PDZD2: variants seen among roughly 807,000 people sequenced by gnomAD.
The protein encoded by PDZD2 is PDZ domain containing 2.
PDZD2 carries 90 observed loss-of-function variants against 220.7 expected under a neutral mutation model. That is an observed-to-expected ratio of 0.41 (90% CI 0.34 to 0.49). The LOEUF is 0.49. Among genes scored for constraint, PDZD2 ranks in the 20% least tolerant of loss-of-function variants. The pLI is 0.28. For synonymous variants in PDZD2, 1,375 were observed against 1,450.5 expected, an observed-to-expected ratio of 0.95 and a Z score of 1.18; for missense variants, 3,174 against 3,608.5, an observed-to-expected ratio of 0.88 and a Z score of 3.08.
chr5:31,785,378 T>C (rs1282832064), intron 1 of PDZD2, among the ~76,000 whole-genome samples: 2 of 148,138 alleles, frequency 1.4e-5, no homozygotes, highest in East Asian at 3.9e-4. Context: ...ATATATTATA[T>C]ATTTATATAT....
At chr5:32,028,684 G>GTTTTTTTTTTT (rs1287949594) in intron 6 of PDZD2, among the ~76,000 whole-genome samples, 13 of 97,500 alleles carry the variant, frequency 1.3e-4, no homozygotes, top group South Asian at 3.5e-4. Flanking sequence ...TGTTTTTTTT[G>GTTTTTTTTTTT]TTTTTTTTTT....
chr5:31,881,908 G>A (rs1340712191), intron 2 of PDZD2, among the ~76,000 whole-genome samples: 3 of 151,670 alleles, frequency 2.0e-5, no homozygotes, highest in East Asian at 1.9e-4. Flanking sequence ...TAGTAGAGAC[G>A]GGGTTTCTCC....
chr5:31,725,044 T>C (rs1257345991), intron 1 of PDZD2, among the ~76,000 whole-genome samples: 1 of 152,080 alleles, frequency 6.6e-6, no homozygotes, highest in Non-Finnish European at 1.5e-5. Flanking sequence ...TAAGAGTGGC[T>C]TCTCAGCCAG....
chr5:31,870,608 C>T (rs1738698834), intron 2 of PDZD2, among the ~76,000 whole-genome samples: 1 of 152,126 alleles, frequency 6.6e-6, no homozygotes, highest in Non-Finnish European at 1.5e-5. Flanking sequence ...AACAAGTTGG[C>T]CAGGCGTGGT....
chr5:31,865,155 TC>T (rs2150316557), intron 2 of PDZD2, among the ~76,000 whole-genome samples: 2 of 152,134 alleles, frequency 1.3e-5, no homozygotes, highest in East Asian at 3.9e-4. Context: ...CTGAGATTTG[TC>T]ATCTTATTCT....
intron 6 of PDZD2, among the ~76,000 whole-genome samples, chr5:32,031,921 C>T (rs962160670): frequency 2.0e-5 from 3 of 152,170 alleles, no homozygotes; most frequent in Non-Finnish European, 4.4e-5. Context: ...AGGCACAATC[C>T]GTGCTGCTGC....
In PDZD2 at chr5:31,646,255, G is replaced by A. The variant is rs1745131936; in HGVS notation, c.-361+6818G>A. Among the ~76,000 whole-genome samples the A allele has an allele frequency of 2.0e-5, 3 of 152,092 alleles. No individual in the cohort carries two copies. Among genetic ancestry groups the A allele is most frequent in the Admixed American group, 2.0e-4 (3 of 15,272 alleles). On this transcript the variant is annotated intron_variant, in intron 1 of 24. Coordinates refer to ENST00000438447, the MANE Select transcript of PDZD2 (RefSeq NM_178140.4). This position sits in a 1 kb window ranked among gnomAD's most constrained non-coding sequence, Gnocchi z 4.7. ...AGACTCTGTTTCTGGAGACTGGAGA[G>A]GCAAGTGTATTTTGGGGTAGCCATA... is the stretch of plus-strand genomic sequence containing the variant.
intron 1 of PDZD2, among the ~76,000 whole-genome samples, chr5:31,701,436 A>C (rs1336622277): frequency 6.6e-6 from 1 of 151,934 alleles, no homozygotes; most frequent in African/African-American, 2.4e-5. Context: ...CAATTGATCT[A>C]CCCACCTCAG....
Position 31,776,803 on chromosome 5 carries a change from C to A in PDZD2, c.-360-22086C>A, listed in dbSNP as rs553377873. On this transcript the variant is annotated intron_variant, in intron 1 of 24. Coordinates refer to ENST00000438447, the MANE Select transcript of PDZD2 (RefSeq NM_178140.4). Reference sequence around the variant, plus strand: ...AGCTGGGACTGCAGATGCACGCCACCCTACCCTGCTTGGTTAATTTTTTTT... The same window carrying A: ...AGCTGGGACTGCAGATGCACGCCACACTACCCTGCTTGGTTAATTTTTTTT... 6.4e-5 allele frequency among the ~76,000 whole-genome samples: 9 copies of A among 141,472 alleles called. No homozygotes were observed. In the South Asian group the frequency reaches 1.5e-3, roughly 24 times the overall value. The allele number at this position is 141,472 out of a possible 152,430, so 92.8% of individuals were successfully genotyped here. A position where few individuals can be genotyped will look rare whatever the true frequency, so the allele number is the denominator to read the frequency against.
At chr5:31,985,851 G>A (rs1010406117) in intron 3 of PDZD2, among the ~76,000 whole-genome samples, 1 of 151,910 alleles carries the variant, frequency 6.6e-6, no homozygotes, top group African/African-American at 2.4e-5. Context: ...GGCCAAGGTG[G>A]GTGGATCACC....
chr5:31,648,907 T>A (rs1372150607), intron 1 of PDZD2, among the ~76,000 whole-genome samples: 1 of 152,192 alleles, frequency 6.6e-6, no homozygotes, highest in Non-Finnish European at 1.5e-5. Context: ...TTTGGATAAA[T>A]GTATAATGTC....
Position 32,092,888 on chromosome 5 carries a change from ATATATT to A in PDZD2, c.7728-12_7728-7del, listed in dbSNP as rs1400065842. ...TGCTTTTTTCTTTAATGTTCTTCAA[ATATATT>A]TATATTATTTAGTTTGGATCAACTT... On this transcript the variant is annotated splice_polypyrimidine_tract_variant and intron_variant, in intron 20 of 24. Transcript: ENST00000438447. The A allele has an allele frequency of 4.1e-6, 5 of 1,222,960 alleles. No individual in the cohort carries two copies. Among genetic ancestry groups the A allele is most frequent in the South Asian group, 2.6e-5 (2 of 75,528 alleles). 75.8% of individuals were successfully genotyped at this position (1,222,960 alleles called of 1,614,324 possible). A position where few individuals can be genotyped will look rare whatever the true frequency, so the allele number is the denominator to read the frequency against.
chr5:31,892,475 G>A (rs1374692433), intron 2 of PDZD2, among the ~76,000 whole-genome samples: 1 of 152,220 alleles, frequency 6.6e-6, no homozygotes, highest in African/African-American at 2.4e-5. Flanking sequence ...GTTTAAACCA[G>A]GATGATCCAA....
chr5:31,988,462 C>T (rs1269072392), intron 3 of PDZD2, among the ~76,000 whole-genome samples: 2 of 140,604 alleles, frequency 1.4e-5, no homozygotes, highest in African/African-American at 6.4e-5. Context: ...CATCACCCTC[C>T]TGGCATGTGG....
At chr5:31,701,506 T>G (rs1441097310) in intron 1 of PDZD2, among the ~76,000 whole-genome samples, 2 of 152,156 alleles carry the variant, frequency 1.3e-5, no homozygotes, top group East Asian at 3.9e-4. Flanking sequence ...AAGTCCTTTT[T>G]CCTGACCTAT....
intron 14 of PDZD2, 76 bp from the exon 15 acceptor site, chr5:32,069,493 C>A: frequency 1.2e-6 from 1 of 845,246 alleles, no homozygotes; most frequent in Admixed American, 1.8e-5. Flanking sequence ...TTGACTCTGA[C>A]TCTGGTCCTA....
At chr5:32,023,190 G>T (rs1033799403) in intron 6 of PDZD2, among the ~76,000 whole-genome samples, 12 of 150,156 alleles carry the variant, frequency 8.0e-5, no homozygotes, top group Admixed American at 7.9e-4. Flanking sequence ...TTTTGAATGG[G>T]TTTCTATTTG....
At chr5:31,906,842 C>CAA (rs35511570) in intron 2 of PDZD2, among the ~76,000 whole-genome samples, 29 of 151,012 alleles carry the variant, frequency 1.9e-4, no homozygotes, top group East Asian at 1.8e-3. Context: ...GACTCTGTCT[C>CAA]AAAAAAAAGA....
chr5:31,702,466 A>G (rs921985837), intron 1 of PDZD2, among the ~76,000 whole-genome samples: 10 of 152,174 alleles, frequency 6.6e-5, no homozygotes, highest in African/African-American at 2.4e-4. Flanking sequence ...TACAGTTCCC[A>G]AGGACATGCA....
Sources: allele counts gnomAD v4.1 joint callset (sites outside exome capture counted in the v4.1 genomes callset), GRCh38; gene constraint gnomAD v4.1.1; non-coding constraint Gnocchi (gnomAD v3.1); transcripts MANE v1.5; gene names NCBI Gene and HGNC (gene_info 2026-07-23, HGNC 2026-07-21).